ADAMTS17: variants seen among roughly 807,000 people sequenced by gnomAD.
The protein encoded by ADAMTS17 is ADAM metallopeptidase with thrombospondin type 1 motif 17.
In ADAMTS17, 113 loss-of-function variants were observed where a neutral mutation model predicts 141.5. The observed-to-expected ratio is 0.80, with a 90% confidence interval of 0.69 to 0.93. The LOEUF is 0.93. Ranked by LOEUF, ADAMTS17 falls within the 40% of genes least tolerant of loss-of-function variation. The pLI, the probability that ADAMTS17 is intolerant of heterozygous loss-of-function variation, is 0.00. For missense variants in ADAMTS17, 1,659 were observed against 1,517.9 expected (o/e 1.09, Z -1.54); for synonymous variants, 768 against 630.6 (o/e 1.22, Z -3.27).
intron 14 of ADAMTS17, among the ~76,000 whole-genome samples, chr15:100,097,249 C>A (rs1439967142): frequency 1.3e-5 from 2 of 152,196 alleles, no homozygotes; most frequent in Non-Finnish European, 2.9e-5. Flanking sequence ...TTACTAGCCA[C>A]ATTGCCTAAA....
intron 7 of ADAMTS17, among the ~76,000 whole-genome samples, chr15:100,225,575 C>T (rs11858657): frequency 9.0e-4 from 98 of 108,772 alleles, no homozygotes; most frequent in African/African-American, 2.1e-3. Flanking sequence ...ATTCAGTCCT[C>T]ACAGCAGTCA....
chr15:100,172,210 G>C (rs2040186418), intron 8 of ADAMTS17, among the ~76,000 whole-genome samples: 1 of 152,160 alleles, frequency 6.6e-6, no homozygotes, highest in Admixed American at 6.5e-5. Flanking sequence ...GAGAATACTA[G>C]AAAACACTGG....
intron 18 of ADAMTS17, among the ~76,000 whole-genome samples, chr15:100,013,728 T>G (rs2061232892): frequency 6.6e-6 from 1 of 152,256 alleles, no homozygotes; most frequent in South Asian, 2.1e-4. Flanking sequence ...ATCCCTGGTA[T>G]GAAATCCACT....
chr15:100,137,430 C>T (rs2038391337), intron 10 of ADAMTS17, among the ~76,000 whole-genome samples: 1 of 151,968 alleles, frequency 6.6e-6, no homozygotes, highest in South Asian at 2.1e-4. Context: ...ATGTTAAGCA[C>T]AAAGAAAAAT....
intron 15 of ADAMTS17, among the ~76,000 whole-genome samples, chr15:100,069,839 C>G (rs576468905): frequency 6.7e-6 from 1 of 150,204 alleles, no homozygotes; most frequent in Non-Finnish European, 1.5e-5. Flanking sequence ...CACCAACTAA[C>G]GAGCAAAATA....
intron 2 of ADAMTS17, among the ~76,000 whole-genome samples, chr15:100,332,757 C>T (rs2046093938): frequency 6.6e-6 from 1 of 152,214 alleles, no homozygotes; most frequent in Non-Finnish European, 1.5e-5. Context: ...TCAGGGCCCC[C>T]ATGTGCTGGT....
intron 3 of ADAMTS17, among the ~76,000 whole-genome samples, chr15:100,286,470 G>A (rs1485653960): frequency 1.3e-5 from 2 of 152,152 alleles, no homozygotes; most frequent in South Asian, 2.1e-4. Context: ...CCTCTCCAGT[G>A]CATCAGGTTA....
At chr15:100,128,379 C>G (rs1324645901) in intron 12 of ADAMTS17, 1 of 152,196 alleles carries the variant, frequency 6.6e-6, no homozygotes, top group Non-Finnish European at 1.5e-5. Context: ...ATGCTGCAGG[C>G]TCTTTCTGTT....
At chr15:100,049,923 G>A (rs1342697255) in intron 17 of ADAMTS17, among the ~76,000 whole-genome samples, 1 of 152,212 alleles carries the variant, frequency 6.6e-6, no homozygotes, top group Non-Finnish European at 1.5e-5. Context: ...GAACCTGGCA[G>A]GTGGCTAACA....
rs919585608 is a variant in ADAMTS17, at chr15:100,204,439, T to G, written c.1076-5016A>C. Among the ~76,000 whole-genome samples, 25 of 152,212 alleles carry G rather than the reference T, an allele frequency of 1.6e-4. 1 individual carries two copies. The highest frequency in any genetic ancestry group is 5.8e-4 in the African/African-American group (24 of 41,454). On this transcript the variant is annotated intron_variant, in intron 7 of 21. Transcript: ENST00000268070. ...GCCATACACCAACCATAGTCATGGA[T>G]ATTGGATTGCAGATTCAGGCTCATT... is the stretch of plus-strand genomic sequence containing the variant.
chr15:100,254,856 TGAAGGAGAG>T lies in ADAMTS17; in HGVS notation c.1032-686_1032-678del, dbSNP rs1460460551. On this transcript the variant is annotated intron_variant, in intron 6 of 21. Coordinates refer to ENST00000268070, the MANE Select transcript of ADAMTS17 (RefSeq NM_139057.4). ...CCAGGGCCAGCCGGGGGAGGCGGGG[TGAAGGAGAG>T]GGACAGCATGAGGAAGAATAGCTAA... 2.0e-5 allele frequency among the ~76,000 whole-genome samples: 3 copies of T among 151,410 alleles called. No homozygotes were observed. In the South Asian group the frequency reaches 6.3e-4, roughly 32 times the overall value.
At chr15:100,048,629 A>C (rs1453574085) in intron 18 of ADAMTS17, among the ~76,000 whole-genome samples, 1 of 122,180 alleles carries the variant, frequency 8.2e-6, no homozygotes, top group Non-Finnish European at 1.6e-5. Context: ...ATGAGATGTT[A>C]CTAATGGTCT....
intron 7 of ADAMTS17, among the ~76,000 whole-genome samples, chr15:100,227,853 T>C (rs2042358616): frequency 6.6e-6 from 1 of 152,218 alleles, no homozygotes; most frequent in East Asian, 1.9e-4. Context: ...CAGCAATGTA[T>C]AAGAGAGGGG....
intron 8 of ADAMTS17, among the ~76,000 whole-genome samples, chr15:100,196,325 C>T (rs1390291410): frequency 1.3e-5 from 2 of 152,156 alleles, no homozygotes; most frequent in Non-Finnish European, 1.5e-5. Context: ...GAAAATAAGC[C>T]CTAAATCTAG....
chr15:100,220,848 ACTT>A (rs1199475225), intron 7 of ADAMTS17, among the ~76,000 whole-genome samples: 2 of 152,254 alleles, frequency 1.3e-5, no homozygotes, highest in African/African-American at 2.4e-5. Context: ...TAATGTTAGT[ACTT>A]CTTATTGCCA....
At chr15:100,208,222 G>A (rs918377753) in intron 7 of ADAMTS17, among the ~76,000 whole-genome samples, 4 of 152,162 alleles carry the variant, frequency 2.6e-5, no homozygotes, top group Admixed American at 2.0e-4. Context: ...TCTGCTTAGC[G>A]AATCTCAATG....
At chr15:100,281,783 A>G (rs1264872140) in intron 3 of ADAMTS17, among the ~76,000 whole-genome samples, 1 of 152,218 alleles carries the variant, frequency 6.6e-6, no homozygotes, top group Non-Finnish European at 1.5e-5. Context: ...GCCACACCCA[A>G]GGTGGATAAC....
chr15:100,290,332 A>T (rs1398001630), intron 3 of ADAMTS17, among the ~76,000 whole-genome samples: 1 of 152,344 alleles, frequency 6.6e-6, no homozygotes, highest in South Asian at 2.1e-4. Context: ...TGAGAACTAC[A>T]AAACACTTCT....
intron 7 of ADAMTS17, among the ~76,000 whole-genome samples, chr15:100,201,393 T>C (rs1222603272): frequency 6.6e-6 from 1 of 152,168 alleles, no homozygotes; most frequent in African/African-American, 2.4e-5. Context: ...CCTTCAGCCA[T>C]GATTATAAGT....
Sources: gnomAD v4.1 joint callset for allele counts (sites outside exome capture counted in the v4.1 genomes callset) on GRCh38, gnomAD v4.1.1 for gene constraint, MANE v1.5 for transcripts, NCBI Gene and HGNC (gene_info 2026-07-23, HGNC 2026-07-21) for gene names.